VWA8: variants seen among roughly 807,000 people sequenced by gnomAD.
The protein encoded by VWA8 is von Willebrand factor A domain-containing protein 8.
Under a neutral mutation model 241.5 loss-of-function variants are expected in VWA8, and 221 were observed. The observed-to-expected ratio is 0.91, with a 90% CI of 0.82 to 1.02. The LOEUF is 1.02. Among genes scored for constraint, VWA8 ranks in the 50% least tolerant of loss-of-function variants. VWA8 has a pLI of 0.00. For missense variants in VWA8, 2,322 were observed against 2,328.7 expected (o/e 1.00, Z 0.06); for synonymous variants, 852 against 827.1 (o/e 1.03, Z -0.52).
chr13:41,628,671 T>C (rs1356164394), intron 37 of VWA8, among the ~76,000 whole-genome samples: 1 of 152,164 alleles, frequency 6.6e-6, no homozygotes, highest in East Asian at 1.9e-4. Context: ...AGCAAATTAA[T>C]GCAGGAACAG....
Position 41,830,558 on chromosome 13 carries a change from C to A in VWA8, c.1671G>T (p.Leu557=), listed in dbSNP as rs761082501. 1 of 1,613,802 alleles carries A rather than the reference C, an allele frequency of 6.2e-7. No individual in the cohort carries two copies. The highest frequency in any genetic ancestry group is 1.7e-4 in the Middle Eastern group (1 of 6,058). Residue 557 remains leucine, a synonymous_variant, in exon 14 of 45, where the codon CTG becomes CTT. Coordinates refer to ENST00000379310, the MANE Select transcript of VWA8 (RefSeq NM_015058.2). ...EDRYMRLKEE[L]QLSDEQLQKR... is the part of the protein sequence containing the mutation. ...TCTGTAGCTGTTCATCAGACAGTTG[C>A]AGCTCCTCCTTTAAACGCATATACC...
Position 41,605,245 on chromosome 13 carries a change from C to T in VWA8, c.4909G>A (p.Ala1637Thr), listed in dbSNP as rs750635115. ...CCTGAAAACCTTTCATAGGTTGCAGCATCGTATTCACTCATTTGGATCTCC... is the reference window on the plus strand; with the variant it reads ...CCTGAAAACCTTTCATAGGTTGCAGTATCGTATTCACTCATTTGGATCTCC... ...LKEIQMSEYDAATYERFSGAV... is the reference protein window; with the variant it reads ...LKEIQMSEYDTATYERFSGAV... The change falls in exon 40 of 45, where the codon GCT (alanine) becomes ACT (threonine). Residue 1637 changes from alanine (A) to threonine (T), a missense_variant. Ala to Thr is a moderately conservative substitution (Grantham distance 58, BLOSUM62 0). Coordinates refer to ENST00000379310, the MANE Select transcript of VWA8 (RefSeq NM_015058.2). 6.2e-7 allele frequency: 1 copy of T among 1,613,096 alleles called. No individual in the cohort carries two copies. The highest frequency in any genetic ancestry group is 1.7e-5 in the Admixed American group (1 of 59,952).
chr13:41,659,872 C>G (rs1234221611), intron 37 of VWA8, among the ~76,000 whole-genome samples: 1 of 152,150 alleles, frequency 6.6e-6, no homozygotes, highest in African/African-American at 2.4e-5. Context: ...AAACTGATGA[C>G]TAGTTTTGGT....
chr13:41,740,844 TA>T (rs760542693), intron 21 of VWA8, among the ~76,000 whole-genome samples: 3 of 152,182 alleles, frequency 2.0e-5, no homozygotes, highest in Non-Finnish European at 4.4e-5. Context: ...GCAATTTATT[TA>T]AGATTACCCA....
rs146409866 is a variant in VWA8, at chr13:41,758,434, T to C, written c.2426+2694A>G. On this transcript the variant is annotated intron_variant, in intron 21 of 44. Transcript: ENST00000379310. The stretch of plus-strand genomic sequence containing the variant: ...TATATATATATATATATATATACGC[T>C]AGTATATATATTCCATATATATGGA... 6.5e-3 allele frequency among the ~76,000 whole-genome samples: 414 copies of C among 63,320 alleles called. 41 individuals are homozygous for C. The highest frequency in any genetic ancestry group is 0.015 in the East Asian group (34 of 2,344). The allele number at this position is 63,320 out of a possible 152,430, so 41.5% of individuals were successfully genotyped here. A position where few individuals can be genotyped will look rare whatever the true frequency, so the allele number is the denominator to read the frequency against.
chr13:41,729,788 T>C, intron 22 of VWA8, 111 bp from the exon 23 acceptor site: 2 of 811,278 alleles, frequency 2.5e-6, no homozygotes, highest in Middle Eastern at 3.3e-4. Context: ...AAGTTACAAG[T>C]ATACACGTAG....
chr13:41,818,361 C>A (rs1870793657), intron 15 of VWA8, among the ~76,000 whole-genome samples: 1 of 150,868 alleles, frequency 6.6e-6, no homozygotes, highest in East Asian at 2.0e-4. Flanking sequence ...CAATTGAGGC[C>A]AGGAGTTCAA....
At chr13:41,638,034 A>G (rs1429103108) in intron 37 of VWA8, among the ~76,000 whole-genome samples, 5 of 152,178 alleles carry the variant, frequency 3.3e-5, no homozygotes, top group Non-Finnish European at 7.4e-5. Flanking sequence ...GGTAATAGGT[A>G]CATTCGCCCC....
intron 37 of VWA8, among the ~76,000 whole-genome samples, chr13:41,635,578 C>T (rs1263549262): frequency 6.6e-6 from 1 of 152,178 alleles, no homozygotes; most frequent in Non-Finnish European, 1.5e-5. Context: ...CTGCTAGATG[C>T]TGAGGATACA....
At chr13:41,874,034 G>C (rs1465187140) in intron 9 of VWA8, among the ~76,000 whole-genome samples, 5 of 152,036 alleles carry the variant, frequency 3.3e-5, no homozygotes, top group Non-Finnish European at 7.4e-5. Flanking sequence ...TTCAATATAT[G>C]CAAATCAATA....
chr13:41,691,409 T>C lies in VWA8; in HGVS notation c.3777A>G (p.Arg1259=), dbSNP rs1019698491. The C allele has an allele frequency of 6.2e-7, 1 of 1,612,728 alleles. No individual in the cohort carries two copies. The highest frequency in any genetic ancestry group is 1.7e-5 in the Admixed American group (1 of 59,894). The change falls in exon 32 of 45, where the codon CGA becomes CGG. Residue 1259 remains arginine, a synonymous_variant. Coordinates refer to ENST00000379310, the MANE Select transcript of VWA8 (RefSeq NM_015058.2). ...TGATGGGAAGTGAGATGGTGTGAGTTCGCCCTTCTAGAACATCCAGCACAG... is the reference window on the plus strand; with the variant it reads ...TGATGGGAAGTGAGATGGTGTGAGTCCGCCCTTCTAGAACATCCAGCACAG... ...SLTVLDVLEG[R]THTISLPINL... is the part of the protein sequence containing the mutation.
At chr13:41,866,143 T>C (rs1025084617) in intron 10 of VWA8, 107 bp from the exon 11 acceptor site, 4 of 1,409,142 alleles carry the variant, frequency 2.8e-6, no homozygotes, top group South Asian at 2.7e-5. Context: ...AGGTTAGTAG[T>C]TCGAGACCAG....
intron 26 of VWA8, among the ~76,000 whole-genome samples, chr13:41,707,303 C>T (rs563832088): frequency 2.0e-5 from 3 of 152,256 alleles, no homozygotes; most frequent in Admixed American, 1.3e-4. Flanking sequence ...AAATTTCTGC[C>T]TTCTCTGAAC....
intron 26 of VWA8, among the ~76,000 whole-genome samples, chr13:41,712,710 T>C (rs1055233846): frequency 6.6e-6 from 1 of 152,250 alleles, no homozygotes; most frequent in African/African-American, 2.4e-5. Flanking sequence ...TTCTATCACT[T>C]ATTGGTTGTA....
rs576969583 is a variant in VWA8, at chr13:41,889,249, G to A, written c.652-1888C>T. ...TATCTATATGCTGTGAGGTTCTCATGAGACAGATTCTATGAACACAGAAAT... is the reference window on the plus strand; with the variant it reads ...TATCTATATGCTGTGAGGTTCTCATAAGACAGATTCTATGAACACAGAAAT... On this transcript the variant is annotated intron_variant, in intron 5 of 44. Coordinates refer to ENST00000379310, the MANE Select transcript of VWA8 (RefSeq NM_015058.2). 2.0e-5 allele frequency among the ~76,000 whole-genome samples: 3 copies of A among 152,306 alleles called. No homozygotes were observed. The East Asian group carries it at 5.8e-4, about 29-fold the overall frequency.
chr13:41,868,564 T>A, intron 9 of VWA8, 87 bp from the exon 10 acceptor site: 1 of 1,403,328 alleles, frequency 7.1e-7, no homozygotes, highest in Non-Finnish European at 9.6e-7. Flanking sequence ...TAATTACAAG[T>A]GAAATCCATT....
chr13:41,719,788 C>G (rs758465210), intron 25 of VWA8, 46 bp from the exon 26 acceptor site: 2 of 1,526,828 alleles, frequency 1.3e-6, no homozygotes, highest in African/African-American at 2.8e-5. Context: ...ATAAAATATA[C>G]AACATTATAA....
intron 41 of VWA8, among the ~76,000 whole-genome samples, chr13:41,588,453 G>A (rs978282594): frequency 6.6e-6 from 1 of 152,180 alleles, no homozygotes; most frequent in Admixed American, 6.5e-5. Flanking sequence ...GCGTGCAGGG[G>A]CTCATGCCTG....
At chr13:41,586,938 T>C (rs1210027412) in intron 42 of VWA8, among the ~76,000 whole-genome samples, 1 of 152,234 alleles carries the variant, frequency 6.6e-6, no homozygotes, top group Non-Finnish European at 1.5e-5. Flanking sequence ...TAGGCTCATA[T>C]CAAGCAGTAA....
Sources: gnomAD v4.1 joint callset for allele counts (sites outside exome capture counted in the v4.1 genomes callset) on GRCh38, gnomAD v4.1.1 for gene constraint, MANE v1.5 for transcripts, NCBI Gene and HGNC (gene_info 2026-07-23, HGNC 2026-07-21) for gene names.